The following C16orf74 variants were observed in gnomAD, a reference collection of about 807,000 sequenced individuals.
C16orf74 encodes the protein uncharacterized protein C16orf74.
A neutral mutation model predicts 6.5 loss-of-function variants in C16orf74; 10 were observed. The ratio of observed to expected loss-of-function variants is 1.54; its 90% CI spans 0.95 to 2.61. The LOEUF (loss-of-function observed/expected upper bound fraction) is 2.61. Among genes scored for constraint, C16orf74 ranks in the 30% most tolerant of loss-of-function variants. C16orf74 has a pLI of 0.00. For missense variants in C16orf74, 141 were observed against 105.9 expected (o/e 1.33, Z -1.45); for synonymous variants, 60 against 42.5 (o/e 1.41, Z -1.60).
At chr16:85,730,553 C>T (rs1483585591) in intron 2 of C16orf74, among the ~76,000 whole-genome samples, 4 of 134,862 alleles carry the variant, frequency 3.0e-5, no homozygotes, top group Non-Finnish European at 6.3e-5. Context: ...CACTGAACCC[C>T]CACATCAGCC....
At chr16:85,739,801 A>C (rs529075126) in intron 1 of C16orf74, among the ~76,000 whole-genome samples, 19 of 152,316 alleles carry the variant, frequency 1.2e-4, no homozygotes, top group African/African-American at 4.6e-4. Context: ...CCTGTCTCAA[A>C]AAAAGAAAAG....
At position 85,735,225 on chromosome 16, in the gene C16orf74, C is replaced by T. The variant is rs1183016288; in HGVS notation, c.-8G>A. On this transcript the variant is annotated 5_prime_UTR_variant, in exon 2 of 4. It adds an upstream start codon to the 5' untranslated region. Transcript: ENST00000284245. Reference sequence around the variant, plus strand: ...GGACATCTTAAGCCCCATGTCGGCACCTCTGCAGGCCTGTGGAGAGAGGAC... The same window carrying T: ...GGACATCTTAAGCCCCATGTCGGCATCTCTGCAGGCCTGTGGAGAGAGGAC... 6.3e-7 allele frequency: 1 copy of T among 1,594,950 alleles called. No homozygotes were observed. Among genetic ancestry groups the T allele is most frequent in the Admixed American group, 1.7e-5 (1 of 57,872 alleles).
intron 1 of C16orf74, among the ~76,000 whole-genome samples, chr16:85,749,141 C>G (rs555462913): frequency 5.7e-4 from 86 of 151,814 alleles, no homozygotes; most frequent in African/African-American, 1.9e-3. Flanking sequence ...GCCCAGAGGC[C>G]TAGCCTGGCT....
intron 1 of C16orf74, among the ~76,000 whole-genome samples, chr16:85,741,979 G>A (rs1188780535): frequency 6.6e-6 from 1 of 152,162 alleles, no homozygotes; most frequent in South Asian, 2.1e-4. Context: ...GAGGTGTCTG[G>A]GTCATGGGGC....
intron 2 of C16orf74, among the ~76,000 whole-genome samples, chr16:85,713,399 A>G (rs1046278000): frequency 1.3e-5 from 2 of 152,076 alleles, no homozygotes; most frequent in African/African-American, 2.4e-5. Context: ...CAGCCTCCCA[A>G]GTAGTTGGGA....
chr16:85,732,420 C>T (rs935024215), intron 2 of C16orf74, among the ~76,000 whole-genome samples: 1 of 151,924 alleles, frequency 6.6e-6, no homozygotes, highest in Non-Finnish European at 1.5e-5. Context: ...AATCCCAGCA[C>T]TTTGGGAGGC....
chr16:85,708,932 A>C (rs1262783807), intron 3 of C16orf74, among the ~76,000 whole-genome samples: 1 of 152,234 alleles, frequency 6.6e-6, no homozygotes, highest in Non-Finnish European at 1.5e-5. Context: ...AACTGATGCC[A>C]CTTGCGGGGA....
intron 2 of C16orf74, among the ~76,000 whole-genome samples, chr16:85,727,631 A>G (rs1444527238): frequency 1.3e-5 from 2 of 149,132 alleles, no homozygotes; most frequent in African/African-American, 5.0e-5. Flanking sequence ...GCAACATGGT[A>G]AAACTTCCAT....
intron 1 of C16orf74, among the ~76,000 whole-genome samples, chr16:85,749,761 C>G (rs551870939): frequency 6.6e-6 from 1 of 152,366 alleles, no homozygotes; most frequent in South Asian, 2.1e-4. Context: ...CAGAGGTGAC[C>G]TGCACCTTGG....
At chr16:85,738,800 G>A (rs1036945557) in intron 1 of C16orf74, among the ~76,000 whole-genome samples, 9 of 152,086 alleles carry the variant, frequency 5.9e-5, no homozygotes, top group African/African-American at 1.9e-4. Flanking sequence ...CCATGGGCCC[G>A]GCACTGTTCA....
intron 1 of C16orf74, among the ~76,000 whole-genome samples, chr16:85,741,413 G>A (rs911469033): frequency 1.3e-5 from 2 of 152,074 alleles, no homozygotes; most frequent in Admixed American, 6.6e-5. Context: ...AGGGAAGGAG[G>A]GAAGAAGCAA....
chr16:85,722,771 T>C (rs2054095519), intron 2 of C16orf74, among the ~76,000 whole-genome samples: 1 of 152,250 alleles, frequency 6.6e-6, no homozygotes, highest in Non-Finnish European at 1.5e-5. Flanking sequence ...CAGGAGCTGC[T>C]GGCCCCAGTG....
intron 2 of C16orf74, among the ~76,000 whole-genome samples, chr16:85,734,933 C>T (rs371809836): frequency 1.3e-5 from 2 of 152,314 alleles, no homozygotes; most frequent in African/African-American, 4.8e-5. Flanking sequence ...TGGGATTAGG[C>T]ACCCTGAGGG....
intron 1 of C16orf74, among the ~76,000 whole-genome samples, chr16:85,750,447 C>T (rs1020824463): frequency 2.4e-4 from 37 of 152,338 alleles, no homozygotes; most frequent in African/African-American, 8.9e-4. Context: ...TGCTTTGATG[C>T]CCTGGGAGCG....
At position 85,723,211 on chromosome 16, in the gene C16orf74, G is replaced by T. The variant is rs143027180; in HGVS notation, c.28+11979C>A. ...GGAGGTGGAGGCTGCAGTGAGCTGA[G>T]ATCGCACCACTGTACTCCAGCCTGG... is the stretch of plus-strand genomic sequence containing the variant. On this transcript the variant is annotated intron_variant, in intron 2 of 3. Coordinates refer to ENST00000284245, the MANE Select transcript of C16orf74 (RefSeq NM_206967.3). Among the ~76,000 whole-genome samples the T allele has an allele frequency of 3.5e-3, 496 of 140,404 alleles. 3 individuals carry two copies. Among genetic ancestry groups the T allele is most frequent in the African/African-American group, 0.012 (466 of 37,496 alleles). 92.1% of individuals were successfully genotyped at this position (140,404 alleles called of 152,430 possible).
intron 1 of C16orf74, among the ~76,000 whole-genome samples, chr16:85,737,385 A>G (rs2054256488): frequency 6.6e-6 from 1 of 152,208 alleles, no homozygotes; most frequent in South Asian, 2.1e-4. Flanking sequence ...GCCTCCGCAC[A>G]TCACCCAGGA....
At chr16:85,746,066 G>A (rs2054370214) in intron 1 of C16orf74, among the ~76,000 whole-genome samples, 1 of 152,166 alleles carries the variant, frequency 6.6e-6, no homozygotes, top group Admixed American at 6.5e-5. Context: ...CTTAGCTGGG[G>A]CTGGGTGCGG....
At chr16:85,750,290 C>A (rs1468451736) in intron 1 of C16orf74, among the ~76,000 whole-genome samples, 1 of 152,218 alleles carries the variant, frequency 6.6e-6, no homozygotes. Flanking sequence ...AAGTCCCAGC[C>A]GCCCTCAGAC....
chr16:85,741,287 G>C (rs1249021816), intron 1 of C16orf74, among the ~76,000 whole-genome samples: 1 of 152,174 alleles, frequency 6.6e-6, no homozygotes, highest in African/African-American at 2.4e-5. Flanking sequence ...TGCCGTGCCA[G>C]GCAGCACCAC....
Sources: gnomAD v4.1 joint callset for allele counts (sites outside exome capture counted in the v4.1 genomes callset) on GRCh38, gnomAD v4.1.1 for gene constraint, MANE v1.5 for transcripts, NCBI Gene and HGNC (gene_info 2026-07-23, HGNC 2026-07-21) for gene names.